Variants in BLM observed in about 807,000 individuals in gnomAD.
BLM encodes BLM RecQ like helicase, also known as recQ-like DNA helicase BLM.
Under a neutral mutation model 135.3 loss-of-function variants are expected in BLM, and 95 were observed. The observed-to-expected ratio is 0.70, with a 90% confidence interval of 0.59 to 0.83. The LOEUF (loss-of-function observed/expected upper bound fraction) is 0.83. BLM is among the 40% of genes least tolerant of loss of function. The pLI is 0.00. For synonymous variants in BLM, 520 were observed against 589.2 expected (o/e 0.88, Z 1.70); for missense variants, 1,518 against 1,663.9 (o/e 0.91, Z 1.53).
intron 12 of BLM, among the ~76,000 whole-genome samples, chr15:90,772,759 A>C (rs1896356092): frequency 6.6e-6 from 1 of 152,210 alleles, no homozygotes; most frequent in African/African-American, 2.4e-5. Flanking sequence ...GAGGGGTCAG[A>C]TCAAGTTTTG....
At chr15:90,756,045 G>T (rs576589578) in intron 5 of BLM, among the ~76,000 whole-genome samples, 20 of 151,960 alleles carry the variant, frequency 1.3e-4, no homozygotes, top group Non-Finnish European at 2.5e-4. Context: ...CTTATAAAGT[G>T]CCTTACAATA....
At chr15:90,811,821 C>G (rs1041306882) in intron 21 of BLM, among the ~76,000 whole-genome samples, 4 of 152,000 alleles carry the variant, frequency 2.6e-5, no homozygotes, top group Admixed American at 2.6e-4. Context: ...TCACTCCTGG[C>G]TAATTTTTGT....
chr15:90,806,280 G>A (rs1195694260), intron 19 of BLM, among the ~76,000 whole-genome samples: 3 of 152,158 alleles, frequency 2.0e-5, no homozygotes, highest in Non-Finnish European at 4.4e-5. Flanking sequence ...GGAGGCTGAG[G>A]TGGACGGATT....
At chr15:90,759,407 A>T (rs1272225738) in intron 5 of BLM, among the ~76,000 whole-genome samples, 1 of 151,208 alleles carries the variant, frequency 6.6e-6, no homozygotes, top group Admixed American at 6.6e-5. Context: ...ACAAAAAATA[A>T]TTAATTAAAA....
chr15:90,725,436 G>A (rs908768190), intron 1 of BLM, among the ~76,000 whole-genome samples: 1 of 151,426 alleles, frequency 6.6e-6, no homozygotes, highest in South Asian at 2.1e-4. Context: ...TCATTTCTCT[G>A]ATTATTAGTG....
chr15:90,743,796 C>T lies in BLM; in HGVS notation c.-4-3593C>T, dbSNP rs12440433. 4.8e-3 allele frequency among the ~76,000 whole-genome samples: 737 copies of T among 152,316 alleles called. 12 individuals are homozygous for T. The highest frequency in any genetic ancestry group is 0.026 in the East Asian group (136 of 5,186). Reference sequence around the variant, plus strand: ...TTAGTACTCACCAACTTCCTGAAAGCATTCCCACTGAGGATTTTGAGTAAG... The same window carrying T: ...TTAGTACTCACCAACTTCCTGAAAGTATTCCCACTGAGGATTTTGAGTAAG... On this transcript the variant is annotated intron_variant, in intron 1 of 21. Coordinates refer to ENST00000355112, the MANE Select transcript of BLM (RefSeq NM_000057.4).
At chr15:90,748,065 C>T (rs1040743078) in intron 2 of BLM, among the ~76,000 whole-genome samples, 1 of 151,348 alleles carries the variant, frequency 6.6e-6, no homozygotes, top group Non-Finnish European at 1.5e-5. Context: ...CTCGGCCTCC[C>T]AAAGTGCTGG....
rs188548074 is a variant in BLM at position 90,725,857 on chromosome 15, A to G, written c.-5+8417A>G. Among the ~76,000 whole-genome samples the G allele has an allele frequency of 6.6e-5, 10 of 151,928 alleles. No homozygotes were observed. The East Asian group carries it at 1.4e-3, about 21-fold the overall frequency. Reference sequence around the variant, plus strand: ...TTCTCTATTAAGTTGTCTCTGTTTTATGTACATATAAACATATTTATATAT... The same window carrying G: ...TTCTCTATTAAGTTGTCTCTGTTTTGTGTACATATAAACATATTTATATAT... On this transcript the variant is annotated intron_variant, in intron 1 of 21. Transcript: ENST00000355112.
intron 6 of BLM, 128 bp downstream of exon 6, chr15:90,760,407 T>A: frequency 7.4e-7 from 1 of 1,356,540 alleles, no homozygotes; most frequent in Non-Finnish European, 1.0e-6. Context: ...ATCATGCCAC[T>A]ATGTTTTTGA....
In BLM at chr15:90,785,146, C is replaced by A. The variant is rs115764793; in HGVS notation, c.2823+65C>A. The A allele has an allele frequency of 1.0e-3, 1,532 of 1,504,724 alleles. 15 individuals carry two copies. The African/African-American group carries it at 0.019, about 19-fold the overall frequency. The allele number at this position is 1,504,724 out of a possible 1,614,324, so 93.2% of individuals were successfully genotyped here. On this transcript the variant is annotated intron_variant, in intron 14 of 21. Coordinates refer to ENST00000355112, the MANE Select transcript of BLM (RefSeq NM_000057.4). ...TTTATAGCATATAACCAAACATGCA[C>A]ATGTAGAATGCAAACTGTTTTTACC...
At chr15:90,809,440 G>C (rs1897356841) in intron 20 of BLM, among the ~76,000 whole-genome samples, 181 bp downstream of exon 20, 1 of 152,136 alleles carries the variant, frequency 6.6e-6, no homozygotes, top group Non-Finnish European at 1.5e-5. Flanking sequence ...TGCCCCCTGT[G>C]AGTGCCAGTT....
chr15:90,787,771 G>A (rs1896789843), intron 14 of BLM, among the ~76,000 whole-genome samples: 1 of 152,050 alleles, frequency 6.6e-6, no homozygotes. Flanking sequence ...CCAATATGGT[G>A]AAACCCTGTC....
In BLM at chr15:90,726,045, G is replaced by A. The variant is rs116327660; in HGVS notation, c.-5+8605G>A. ...ATAATTGTACCCCAACAATTTATGGGGTACATAGTGATATTTTGATACATA... is the reference window on the plus strand; with the variant it reads ...ATAATTGTACCCCAACAATTTATGGAGTACATAGTGATATTTTGATACATA... On this transcript the variant is annotated intron_variant, in intron 1 of 21. Coordinates refer to ENST00000355112, the MANE Select transcript of BLM (RefSeq NM_000057.4). Among the ~76,000 whole-genome samples, 834 of 151,922 alleles carry A rather than the reference G, an allele frequency of 5.5e-3. 7 individuals carry two copies. Among genetic ancestry groups the A allele is most frequent in the African/African-American group, 0.019 (802 of 41,404 alleles).
intron 1 of BLM, among the ~76,000 whole-genome samples, chr15:90,746,696 G>C (rs958423552): frequency 1.3e-5 from 2 of 152,182 alleles, no homozygotes; most frequent in African/African-American, 2.4e-5. Context: ...ATCAGCTAAA[G>C]TGAGGATTTT....
chr15:90,764,446 C>G (rs1896068728), intron 8 of BLM, among the ~76,000 whole-genome samples: 1 of 151,688 alleles, frequency 6.6e-6, no homozygotes, highest in African/African-American at 2.4e-5. Flanking sequence ...CAACTGGGTT[C>G]AAACAATCCC....
intron 20 of BLM, among the ~76,000 whole-genome samples, 183 bp downstream of exon 20, chr15:90,809,442 G>A (rs370634441): frequency 6.6e-5 from 10 of 152,258 alleles, no homozygotes; most frequent in Non-Finnish European, 1.2e-4. Context: ...CCCCCTGTGA[G>A]TGCCAGTTCT....
chr15:90,721,661 A>G (rs935430816), intron 1 of BLM, among the ~76,000 whole-genome samples: 2 of 151,648 alleles, frequency 1.3e-5, no homozygotes, highest in South Asian at 4.2e-4. Flanking sequence ...GGCCGGGCAC[A>G]GTGGCTCGCG....
intron 14 of BLM, among the ~76,000 whole-genome samples, chr15:90,786,353 G>C (rs1178496269): frequency 1.3e-5 from 2 of 152,044 alleles, no homozygotes; most frequent in Non-Finnish European, 2.9e-5. Context: ...TTTTTCCACG[G>C]ACATATGTTT....
Position 90,760,155 on chromosome 15 carries a change from A to C in BLM, c.1096A>C (p.Ile366Leu), listed in dbSNP as rs552913880. 63 of 1,611,068 alleles carry C rather than the reference A, an allele frequency of 3.9e-5. 1 individual carries two copies. The South Asian group carries it at 6.8e-4, about 17-fold the overall frequency. ...ETSTDCDARQ[I>L]SLQQQLIHVM... ...ACATAATTATTTTATAGCTAGACAG[A>C]TAAGTTTACAGCAGCAGCTTATTCA... Residue 366 changes from isoleucine (I) to leucine (L), a missense_variant, in exon 6 of 22, where the codon ATA becomes CTA. Coordinates refer to ENST00000355112, the MANE Select transcript of BLM (RefSeq NM_000057.4).
Sources: allele counts gnomAD v4.1 joint callset (sites outside exome capture counted in the v4.1 genomes callset), GRCh38; gene constraint gnomAD v4.1.1; transcripts MANE v1.5; gene names NCBI Gene and HGNC (gene_info 2026-07-23, HGNC 2026-07-21).